SCGB2B2: variants seen among roughly 807,000 people sequenced by gnomAD.
The protein encoded by SCGB2B2 is secretoglobin-like protein.
Under a neutral mutation model 7.6 loss-of-function variants are expected in SCGB2B2, and 11 were observed. That is an observed-to-expected ratio of 1.45 (90% CI 0.91 to 2.40). The LOEUF (loss-of-function observed/expected upper bound fraction) is 2.40, where lower values mean the gene tolerates loss of function less well. Ranked by LOEUF, SCGB2B2 falls within the 30% of genes most tolerant of loss-of-function variation. The probability of loss-of-function intolerance (pLI) is 0.00; values close to 1 mark genes in which losing one functional copy is unlikely to be tolerated. For missense variants in SCGB2B2, 104 were observed against 115.4 expected (o/e 0.90, Z 0.45); for synonymous variants, 50 against 48.6 (o/e 1.03, Z -0.12).
intron 1 of SCGB2B2, among the ~76,000 whole-genome samples, chr19:34,637,075 A>T (rs12973080): frequency 6.6e-6 from 1 of 152,128 alleles, no homozygotes; most frequent in South Asian, 2.1e-4. Flanking sequence ...GTGGTCCCTG[A>T]AAATAGTAAC....
chr19:34,651,213 C>A (rs1229884303), intron 1 of SCGB2B2, among the ~76,000 whole-genome samples: 2 of 151,268 alleles, frequency 1.3e-5, no homozygotes, highest in African/African-American at 2.5e-5. Context: ...CCACTTTCAC[C>A]ACTTTTATTC....
chr19:34,658,980 T>G (rs2067370749), intron 1 of SCGB2B2, among the ~76,000 whole-genome samples: 1 of 152,152 alleles, frequency 6.6e-6, no homozygotes, highest in South Asian at 2.1e-4. Flanking sequence ...CAAGGCTGGT[T>G]CAACATACAC....
intron 1 of SCGB2B2, among the ~76,000 whole-genome samples, chr19:34,607,874 T>C (rs1437759093): frequency 1.3e-5 from 2 of 152,242 alleles, no homozygotes; most frequent in Non-Finnish European, 2.9e-5. Flanking sequence ...ACAAATATTT[T>C]CTCTCATTTT....
chr19:34,626,501 G>A (rs938153236), intron 1 of SCGB2B2, among the ~76,000 whole-genome samples: 2 of 152,084 alleles, frequency 1.3e-5, no homozygotes, highest in Non-Finnish European at 2.9e-5. Flanking sequence ...TGGAAGAAAG[G>A]GTATCAGTGA....
At chr19:34,601,986 T>A (rs769237352) in intron 1 of SCGB2B2, among the ~76,000 whole-genome samples, 5 of 152,312 alleles carry the variant, frequency 3.3e-5, no homozygotes, top group Admixed American at 3.3e-4. Context: ...CTACAAAAAT[T>A]TTAAAAAGTA....
intron 1 of SCGB2B2, among the ~76,000 whole-genome samples, chr19:34,625,837 AC>A (rs2066359144): frequency 2.0e-5 from 3 of 152,186 alleles, no homozygotes; most frequent in South Asian, 4.2e-4. Context: ...TGGGTCCCTG[AC>A]CCCCGAGTAG....
chr19:34,630,179 G>T lies in SCGB2B2; in HGVS notation c.-2031-33585C>A, dbSNP rs571481879. On this transcript the variant is annotated intron_variant, in intron 1 of 3. Transcript: ENST00000601241. Reference sequence around the variant, plus strand: ...AAAACCCTAGAAGAAAACCTAGGCAGTACCATTCAGGACATAGGCATGGGC... The same window carrying T: ...AAAACCCTAGAAGAAAACCTAGGCATTACCATTCAGGACATAGGCATGGGC... Among the ~76,000 whole-genome samples the T allele has an allele frequency of 6.6e-4, 100 of 151,910 alleles. 1 individual carries two copies. Among genetic ancestry groups the T allele is most frequent in the African/African-American group, 2.3e-3 (96 of 41,542 alleles).
chr19:34,637,271 G>A (rs1022626905), intron 1 of SCGB2B2, among the ~76,000 whole-genome samples: 1 of 152,180 alleles, frequency 6.6e-6, no homozygotes, highest in Non-Finnish European at 1.5e-5. Context: ...TTCCCTGCAA[G>A]GCCTTAGGGC....
At chr19:34,613,274 T>C (rs906626367) in intron 1 of SCGB2B2, among the ~76,000 whole-genome samples, 3 of 152,220 alleles carry the variant, frequency 2.0e-5, no homozygotes, top group African/African-American at 7.2e-5. Context: ...AATTTTTGTA[T>C]ATTCAGTAGA....
intron 1 of SCGB2B2, among the ~76,000 whole-genome samples, chr19:34,612,548 ACT>A (rs1296105051): frequency 6.6e-6 from 1 of 152,224 alleles, no homozygotes; most frequent in African/African-American, 2.4e-5. Context: ...ATTATTCACT[ACT>A]GTCACTCTGT....
At chr19:34,651,311 C>T (rs1362791532) in intron 1 of SCGB2B2, among the ~76,000 whole-genome samples, 3 of 151,142 alleles carry the variant, frequency 2.0e-5, no homozygotes, top group African/African-American at 7.4e-5. Flanking sequence ...CAAATTGTCT[C>T]TGCTTGCAGA....
At chr19:34,598,775 A>T (rs2065533980) in intron 1 of SCGB2B2, among the ~76,000 whole-genome samples, 1 of 152,138 alleles carries the variant, frequency 6.6e-6, no homozygotes. Context: ...GCTGGTGTCT[A>T]AGATGAAGTG....
chr19:34,586,600 T>C (rs1264880735), downstream of SCGB2B2, among the ~76,000 whole-genome samples: 1 of 152,232 alleles, frequency 6.6e-6, no homozygotes, highest in East Asian at 1.9e-4. Flanking sequence ...TTATACCTTT[T>C]TTGAATGTTA....
At chr19:34,675,398 C>G (rs1465022270) in intron 1 of SCGB2B2, among the ~76,000 whole-genome samples, 2 of 152,212 alleles carry the variant, frequency 1.3e-5, no homozygotes, top group African/African-American at 4.8e-5. Context: ...CAGGATACAC[C>G]AAGGTAGAAC....
At chr19:34,639,273 C>T (rs1170916866) in intron 1 of SCGB2B2, among the ~76,000 whole-genome samples, 1 of 152,168 alleles carries the variant, frequency 6.6e-6, no homozygotes, top group Non-Finnish European at 1.5e-5. Context: ...CCCAATTCAC[C>T]CTGACGCTCC....
chr19:34,647,786 G>T (rs1006509624), intron 1 of SCGB2B2, among the ~76,000 whole-genome samples: 14 of 152,180 alleles, frequency 9.2e-5, no homozygotes, highest in African/African-American at 3.4e-4. Context: ...TAATAGTGAT[G>T]AGAACCACAA....
intron 1 of SCGB2B2, among the ~76,000 whole-genome samples, chr19:34,598,934 G>A (rs1489799813): frequency 6.6e-6 from 1 of 152,246 alleles, no homozygotes; most frequent in Non-Finnish European, 1.5e-5. Context: ...TCTGGCCTTG[G>A]GGCCTGCTTG....
chr19:34,644,827 T>G (rs2066950102), intron 1 of SCGB2B2, among the ~76,000 whole-genome samples: 1 of 152,190 alleles, frequency 6.6e-6, no homozygotes, highest in Admixed American at 6.5e-5. Flanking sequence ...AGTAGAAACA[T>G]TTATAATTAA....
chr19:34,591,883 T>C lies in SCGB2B2; in HGVS notation c.*1672A>G, dbSNP rs7245833. Among the ~76,000 whole-genome samples, 97,029 of 151,990 alleles carry C rather than the reference T, an allele frequency of 0.64. 31,276 individuals are homozygous for C. The highest frequency in any genetic ancestry group is 0.9 in the East Asian group (4,644 of 5,176). On this transcript the variant is annotated 3_prime_UTR_variant, in exon 4 of 4. Transcript: ENST00000601241. ...TGGTCCTTGTGGTTCTCATCACTATTACAATTTTCTTGAGCTTTGCAACCC... is the reference window on the plus strand; with the variant it reads ...TGGTCCTTGTGGTTCTCATCACTATCACAATTTTCTTGAGCTTTGCAACCC...
Sources: allele counts gnomAD v4.1 joint callset (sites outside exome capture counted in the v4.1 genomes callset), GRCh38; gene constraint gnomAD v4.1.1; transcripts MANE v1.5; gene names NCBI Gene and HGNC (gene_info 2026-07-23, HGNC 2026-07-21).